The following BTAF1 variants were observed in gnomAD, a reference collection of about 807,000 sequenced individuals.
BTAF1 encodes TATA-binding protein-associated factor 172.
BTAF1 carries 38 observed loss-of-function variants against 227.1 expected under a neutral mutation model. The observed-to-expected ratio is 0.17, with a 90% CI of 0.13 to 0.22. The LOEUF (loss-of-function observed/expected upper bound fraction) is 0.22, where lower values mean the gene tolerates loss of function less well. Ranked by LOEUF, BTAF1 falls within the 10% of genes least tolerant of loss-of-function variation. The pLI is 1.00. For synonymous variants in BTAF1, 742 were observed against 751.9 expected (o/e 0.99, Z 0.21); for missense variants, 1,598 against 2,204.0 (o/e 0.73, Z 5.51).
At chr10:92,010,282 A>G (rs1031423578) in intron 28 of BTAF1, among the ~76,000 whole-genome samples, 6 of 152,234 alleles carry the variant, frequency 3.9e-5, no homozygotes, top group African/African-American at 1.4e-4. Flanking sequence ...ACTCTTGAGC[A>G]GTTTACTATA....
chr10:91,933,109 A>C (rs552178303), intron 1 of BTAF1, among the ~76,000 whole-genome samples: 2 of 152,330 alleles, frequency 1.3e-5, no homozygotes, highest in Non-Finnish European at 2.9e-5. Context: ...GGGGTGAGCC[A>C]CTGTAACCCT....
Position 91,939,995 on chromosome 10 carries a change from C to T in BTAF1, c.182C>T (p.Ala61Val). 6.2e-7 allele frequency: 1 copy of T among 1,612,926 alleles called. No homozygotes were observed. Among genetic ancestry groups the T allele is most frequent in the Non-Finnish European group, 8.5e-7 (1 of 1,179,278 alleles). The change falls in exon 3 of 38, where the codon GCA (alanine) becomes GTA (valine). Residue 61 changes from alanine (A) to valine (V), a missense_variant. Coordinates refer to ENST00000265990, the MANE Select transcript of BTAF1 (RefSeq NM_003972.3). The stretch of plus-strand genomic sequence containing the variant: ...AGTGCAAATTGGGATACCCGGATTG[C>T]AGCAGGACAAGCTGTTGAAGCTATA... ...LRSANWDTRIAAGQAVEAIVK... is the reference protein window; with the variant it reads ...LRSANWDTRIVAGQAVEAIVK...
chr10:91,939,907 A>C, intron 2 of BTAF1, 45 bp from the exon 3 acceptor site: 1 of 1,366,322 alleles, frequency 7.3e-7, no homozygotes, highest in Non-Finnish European at 1.0e-6. Flanking sequence ...TACCTTGCGC[A>C]AACAATATTT....
At chr10:92,027,916 A>G (rs1024656150) in intron 37 of BTAF1, among the ~76,000 whole-genome samples, 2 of 152,210 alleles carry the variant, frequency 1.3e-5, no homozygotes, top group Non-Finnish European at 2.9e-5. Flanking sequence ...GGTGGGGTAT[A>G]TGATGATTAA....
chr10:91,950,546 T>C (rs1003967306), intron 4 of BTAF1, among the ~76,000 whole-genome samples: 4 of 152,172 alleles, frequency 2.6e-5, no homozygotes. Flanking sequence ...AAATTTTTAT[T>C]TTTAAATGCC....
intron 25 of BTAF1, among the ~76,000 whole-genome samples, chr10:92,000,845 G>A (rs568614175): frequency 2.6e-5 from 4 of 151,942 alleles, no homozygotes; most frequent in Non-Finnish European, 5.9e-5. Context: ...TGAGCCACCC[G>A]GTTTGTTTGT....
At chr10:91,945,771 A>G (rs1845322329) in intron 4 of BTAF1, among the ~76,000 whole-genome samples, 1 of 152,216 alleles carries the variant, frequency 6.6e-6, no homozygotes, top group African/African-American at 2.4e-5. Context: ...TGTTTGAGTT[A>G]CTGCTTTCAG....
chr10:92,024,732 G>GTTTTTTT (rs1554870028), intron 34 of BTAF1, 24 bp from the exon 35 acceptor site: 144 of 1,267,980 alleles, frequency 1.1e-4, no homozygotes, highest in Middle Eastern at 2.7e-4. Context: ...CGCTTATGTA[G>GTTTTTTT]TTTTTTTTTT....
In BTAF1 at chr10:91,959,738, G is replaced by GTA. The variant is rs1421248732; in HGVS notation, c.991-46_991-45insAT. 289 of 371,102 alleles carry GTA rather than the reference G, an allele frequency of 7.8e-4. 4 individuals are homozygous for GTA. The African/African-American group carries it at 0.011, about 14-fold the overall frequency. The allele number at this position is 371,102 out of a possible 1,614,324, so 23.0% of individuals were successfully genotyped here. A position where few individuals can be genotyped will look rare whatever the true frequency, so the allele number is the denominator to read the frequency against. Reference sequence around the variant, plus strand: ...AAAAAATGTGTGTGTGTGTGTGTGTGTGTATATATATATATATATATATAT... The same window carrying GTA: ...AAAAAATGTGTGTGTGTGTGTGTGTGTATGTATATATATATATATATATATAT... On this transcript the variant is annotated intron_variant, in intron 9 of 37. Transcript: ENST00000265990.
intron 2 of BTAF1, 85 bp downstream of exon 2, chr10:91,935,865 A>G: frequency 1.6e-6 from 2 of 1,219,470 alleles, no homozygotes; most frequent in South Asian, 2.2e-5. Context: ...GGTAAACATC[A>G]TCTTAATTTT....
chr10:91,957,266 C>T lies in BTAF1; in HGVS notation c.873C>T (p.Cys291=). The change falls in exon 8 of 38, where the codon TGC becomes TGT. Residue 291 remains cysteine, a synonymous_variant. Transcript: ENST00000265990. Reference sequence around the variant, plus strand: ...TGGAAAGCTTTTGTGAAGAACTTTGCAATGACCTTTTTAATCCCTCCTGGG... The same window carrying T: ...TGGAAAGCTTTTGTGAAGAACTTTGTAATGACCTTTTTAATCCCTCCTGGG... ...WPLESFCEEL[C]NDLFNPSWEV... is the part of the protein sequence containing the mutation. 1 of 1,612,714 alleles carries T rather than the reference C, an allele frequency of 6.2e-7. No homozygotes were observed. Among genetic ancestry groups the T allele is most frequent in the African/African-American group, 1.3e-5 (1 of 75,008 alleles).
intron 34 of BTAF1, among the ~76,000 whole-genome samples, chr10:92,022,182 G>A (rs1024450270): frequency 2.0e-5 from 3 of 152,180 alleles, no homozygotes; most frequent in Non-Finnish European, 4.4e-5. Flanking sequence ...CAAATGATAT[G>A]TCCACATATT....
chr10:92,002,866 T>TA (rs1015288468), intron 25 of BTAF1, among the ~76,000 whole-genome samples: 5 of 151,806 alleles, frequency 3.3e-5, no homozygotes, highest in South Asian at 2.1e-4. Context: ...TTTTTATTAA[T>TA]AAAAAAAATG....
Position 91,994,661 on chromosome 10 carries a change from A to G in BTAF1, c.3309+17A>G. ...CATCCCTTGGTAACTAACTAATGCA[A>G]GTGTAATATTTCTTCAAATAAAACA... is the stretch of plus-strand genomic sequence containing the variant. On this transcript the variant is annotated intron_variant, in intron 23 of 37. Coordinates refer to ENST00000265990, the MANE Select transcript of BTAF1 (RefSeq NM_003972.3). 3.2e-6 allele frequency: 5 copies of G among 1,577,328 alleles called. No homozygotes were observed. The highest frequency in any genetic ancestry group is 3.5e-6 in the Non-Finnish European group (4 of 1,147,612).
intron 23 of BTAF1, 34 bp downstream of exon 23, chr10:91,994,678 A>G (rs544301053): frequency 1.2e-5 from 18 of 1,537,642 alleles, no homozygotes; most frequent in East Asian, 2.2e-5. Flanking sequence ...TATTTCTTCA[A>G]ATAAAACAAG....
intron 2 of BTAF1, among the ~76,000 whole-genome samples, chr10:91,936,854 C>T (rs1844646591): frequency 6.6e-6 from 1 of 152,158 alleles, no homozygotes; most frequent in African/African-American, 2.4e-5. Flanking sequence ...AGTTTTCCAG[C>T]CTTCCCAGTG....
At chr10:91,939,818 C>G in intron 2 of BTAF1, 134 bp from the exon 3 acceptor site, 1 of 500,336 alleles carries the variant, frequency 2.0e-6, no homozygotes, top group East Asian at 3.2e-5. Flanking sequence ...TTTAATAATT[C>G]TAAGGTGTTT....
intron 17 of BTAF1, 147 bp from the exon 18 acceptor site, chr10:91,982,440 C>T (rs1408128337): frequency 2.6e-5 from 28 of 1,077,298 alleles, no homozygotes; most frequent in Non-Finnish European, 3.5e-5. Context: ...ACAAGATAGT[C>T]ATTATACCTT....
chr10:91,960,180 AT>A (rs1163452482), intron 11 of BTAF1, 26 bp downstream of exon 11: 1 of 1,603,862 alleles, frequency 6.2e-7, no homozygotes. Flanking sequence ...TTTGAAGCTT[AT>A]GTGGGAGAGT....
Sources: allele counts gnomAD v4.1 joint callset (sites outside exome capture counted in the v4.1 genomes callset), GRCh38; gene constraint gnomAD v4.1.1; transcripts MANE v1.5; gene names NCBI Gene and HGNC (gene_info 2026-07-23, HGNC 2026-07-21).